COL6A2: variants seen among roughly 807,000 people sequenced by gnomAD.
COL6A2 encodes collagen type VI alpha 2 chain, also known as collagen alpha-2(VI) chain.
A neutral mutation model predicts 124.9 loss-of-function variants in COL6A2; 90 were observed. That is an observed-to-expected ratio of 0.72 (90% CI 0.61 to 0.86). The LOEUF is 0.86. Ranked by LOEUF, COL6A2 falls within the 40% of genes least tolerant of loss-of-function variation. The probability of loss-of-function intolerance (pLI) is 0.00; values close to 1 mark genes in which losing one functional copy is unlikely to be tolerated. For missense variants in COL6A2, 1,607 were observed against 1,502.5 expected, an observed-to-expected ratio of 1.07 and a Z score of -1.15; for synonymous variants, 793 against 618.2, an observed-to-expected ratio of 1.28 and a Z score of -4.19.
At chr21:46,124,201 A>G (rs538414571) in intron 21 of COL6A2, among the ~76,000 whole-genome samples, 21 of 148,382 alleles carry the variant, frequency 1.4e-4, no homozygotes, top group African/African-American at 4.9e-4. Flanking sequence ...TGGATGGGTT[A>G]GTGGGTGGCT....
intron 11 of COL6A2, 58 bp downstream of exon 11, chr21:46,117,511 C>A (rs57870436): frequency 2.6e-6 from 4 of 1,554,490 alleles, no homozygotes; most frequent in Non-Finnish European, 3.5e-6. Flanking sequence ...GGTGCCTGAC[C>A]GGGTGGGAGG....
intron 27 of COL6A2, chr21:46,129,669 G>C: frequency 7.0e-7 from 1 of 1,422,430 alleles, no homozygotes; most frequent in Non-Finnish European, 9.1e-7. Context: ...GGTGGCCACC[G>C]TGTCCCTTGC....
At chr21:46,099,148 G>T (rs2078259122) in intron 1 of COL6A2, 1 of 152,470 alleles carries the variant, frequency 6.6e-6, no homozygotes, top group Non-Finnish European at 1.5e-5. Context: ...TTCGACTCTG[G>T]TGATTATTTC....
Position 46,132,111 on chromosome 21 carries a change from C to G in COL6A2, c.2619C>G (p.Leu873=), listed in dbSNP as rs757138494. 6 of 1,587,820 alleles carry G rather than the reference C, an allele frequency of 3.8e-6. No individual in the cohort carries two copies. The highest frequency in any genetic ancestry group is 1.1e-5 in the South Asian group (1 of 88,290). Residue 873 remains leucine (L), a synonymous_variant, in exon 28 of 28, where the codon CTC becomes CTG. Coordinates refer to ENST00000300527, the MANE Select transcript of COL6A2 (RefSeq NM_001849.4). ...TGGCCCGGAGGGACGACGACCCTCT[C>G]AACGCACGCGTGGCGCTGCTGCAGT... ...LTLARRDDDP[L]NARVALLQFG... is the part of the protein sequence containing the mutation.
intron 15 of COL6A2, 85 bp from the exon 16 acceptor site, chr21:46,120,430 A>AC: frequency 2.7e-6 from 3 of 1,125,100 alleles, no homozygotes; most frequent in Non-Finnish European, 2.6e-6. Flanking sequence ...CCCTTCCCCA[A>AC]CCCCCGGCCA....
rs2078548719 is a variant in COL6A2 at position 46,120,581 on chromosome 21, G to C, written c.1395+4G>C. The C allele has an allele frequency of 6.8e-7, 1 of 1,461,650 alleles. No homozygotes were observed. Among genetic ancestry groups the C allele is most frequent in the African/African-American group, 1.4e-5 (1 of 69,562 alleles). The allele number at this position is 1,461,650 out of a possible 1,614,324, so 90.5% of individuals were successfully genotyped here. A position where few individuals can be genotyped will look rare whatever the true frequency, so the allele number is the denominator to read the frequency against. On this transcript the variant is annotated splice_donor_region_variant and intron_variant, in intron 16 of 27. Coordinates refer to ENST00000300527, the MANE Select transcript of COL6A2 (RefSeq NM_001849.4). ...GGTTGGCAACAAAGGAGCCAAGGTAGGGGAGCAGGGTGGGCCGCACCCCAA... is the reference window on the plus strand; with the variant it reads ...GGTTGGCAACAAAGGAGCCAAGGTACGGGAGCAGGGTGGGCCGCACCCCAA...
At chr21:46,122,308 G>C (rs763976133) in intron 19 of COL6A2, 150 bp downstream of exon 19, 88 of 1,217,498 alleles carry the variant, frequency 7.2e-5, no homozygotes, top group Non-Finnish European at 1.0e-4. Context: ...GAAGGCTTCG[G>C]GTGACTCAGT....
At chr21:46,101,982 T>G (rs13046114) in intron 1 of COL6A2, among the ~76,000 whole-genome samples, 70,276 of 149,714 alleles carry the variant, frequency 0.47, 17,349 homozygotes, top group Admixed American at 0.57. Context: ...ATTAAACCTC[T>G]AGATCAATTT....
chr21:46,127,640 C>T lies in COL6A2; in HGVS notation c.2461+1099C>T, dbSNP rs548803490. 6.4e-4 allele frequency among the ~76,000 whole-genome samples: 97 copies of T among 152,266 alleles called. 1 individual carries two copies. The highest frequency in any genetic ancestry group is 1.1e-3 in the Non-Finnish European group (78 of 68,002). On this transcript the variant is annotated intron_variant, in intron 27 of 27. Coordinates refer to ENST00000300527, the MANE Select transcript of COL6A2 (RefSeq NM_001849.4). ...ACCAGACCTTGGCTCCTCCACCCAC[C>T]CCCTCGTTCCTGATGGGGCAGGGAA... is the stretch of plus-strand genomic sequence containing the variant.
At position 46,131,977 on chromosome 21, in the gene COL6A2, C is replaced by G; in HGVS notation, c.2485C>G (p.Gln829Glu). The part of the protein sequence containing the change: ...QTELSVAQCT[Q>E]RPVDIVFLLD... ...AGAGCTGTCCGTGGCACAGTGCACG[C>G]AGCGGCCCGTGGACATCGTCTTCCT... Residue 829 changes from glutamine (Q) to glutamate (E), a missense_variant, in exon 28 of 28, where the codon CAG becomes GAG. Physicochemically the swap from Gln to Glu is conservative, Grantham distance 29 (BLOSUM62 2). Around this residue, in one of 3 missense-constraint regions of COL6A2, gnomAD observed 1,223 missense variants for 1,052.2 expected, o/e 1.16. Transcript: ENST00000300527. 1 of 1,608,444 alleles carries G rather than the reference C, an allele frequency of 6.2e-7. No individual in the cohort carries two copies. Among genetic ancestry groups the G allele is most frequent in the Non-Finnish European group, 8.5e-7 (1 of 1,178,814 alleles).
chr21:46,126,373 C>T lies in COL6A2; in HGVS notation c.2423-130C>T, dbSNP rs754569156. 398 of 1,501,222 alleles carry T rather than the reference C, an allele frequency of 2.7e-4. 1 individual carries two copies. The highest frequency in any genetic ancestry group is 3.4e-4 in the Non-Finnish European group (363 of 1,079,942). 93.0% of individuals were successfully genotyped at this position (1,501,222 alleles called of 1,614,324 possible). ...TCTTGGGCTGTGGGTGGGAAGGGGT[C>T]GGGCCCTCTCGGGGCTGCAGGGCAG... On this transcript the variant is annotated intron_variant, in intron 26 of 27. Transcript: ENST00000300527.
intron 27 of COL6A2, 130 bp downstream of exon 27, chr21:46,126,671 G>A (rs1303941665): frequency 2.7e-6 from 3 of 1,098,570 alleles, no homozygotes; most frequent in Non-Finnish European, 4.0e-6. Flanking sequence ...TGCGGAGGCT[G>A]CTCCTTAGGG....
intron 1 of COL6A2, among the ~76,000 whole-genome samples, chr21:46,102,459 CCTTT>C (rs1307558045): frequency 2.6e-5 from 4 of 152,162 alleles, no homozygotes; most frequent in Non-Finnish European, 4.4e-5. Context: ...AGGCATCCTT[CCTTT>C]ATTTCTGACC....
intron 1 of COL6A2, among the ~76,000 whole-genome samples, chr21:46,100,791 C>G (rs1257257635): frequency 6.6e-6 from 1 of 152,146 alleles, no homozygotes; most frequent in Non-Finnish European, 1.5e-5. Flanking sequence ...TTTTGTTTAC[C>G]CATTCGTCTG....
chr21:46,116,398 G>C lies in COL6A2; in HGVS notation c.922G>C (p.Glu308Gln). Residue 308 changes from glutamate (E) to glutamine (Q), a missense_variant, in exon 8 of 28, where the codon GAG becomes CAG. This residue lies in a region of COL6A2 where 42 missense variants were observed against 68.7 expected (regional missense o/e 0.61). Coordinates refer to ENST00000300527, the MANE Select transcript of COL6A2 (RefSeq NM_001849.4). The surrounding 1 kb of genome is among the most constrained non-coding windows in gnomAD (Gnocchi z 4.6). ...GPKGVPGFKG[E>Q]KGEFGADGRK... is the part of the protein sequence containing the mutation. ...CCAGGGCGTTCCTGGCTTCAAAGGAGAGAAGGTGAGGCTCTTGCCCTGACA... is the reference window on the plus strand; with the variant it reads ...CCAGGGCGTTCCTGGCTTCAAAGGACAGAAGGTGAGGCTCTTGCCCTGACA... 6.2e-7 allele frequency: 1 copy of C among 1,612,984 alleles called. No individual in the cohort carries two copies. The highest frequency in any genetic ancestry group is 8.5e-7 in the Non-Finnish European group (1 of 1,179,990).
At chr21:46,119,219 T>G in intron 14 of COL6A2, 100 bp downstream of exon 14, 1 of 937,360 alleles carries the variant, frequency 1.1e-6, no homozygotes, top group African/African-American at 1.6e-5. Context: ...GTAGGCAGGA[T>G]CCCCTGCTGG....
chr21:46,130,877 T>C (rs1339156967), intron 27 of COL6A2, among the ~76,000 whole-genome samples: 1 of 152,194 alleles, frequency 6.6e-6, no homozygotes, highest in East Asian at 1.9e-4. Flanking sequence ...GGGAACCCCA[T>C]CTGCCAGCTC....
chr21:46,130,788 C>G (rs1258935141), intron 27 of COL6A2, among the ~76,000 whole-genome samples: 1 of 152,184 alleles, frequency 6.6e-6, no homozygotes, highest in African/African-American at 2.4e-5. Flanking sequence ...GACATTTAAG[C>G]CGGTTCCTAG....
At chr21:46,120,686 G>C in intron 16 of COL6A2, 109 bp downstream of exon 16, 1 of 1,093,182 alleles carries the variant, frequency 9.1e-7, no homozygotes, top group South Asian at 1.7e-5. Context: ...TAGGGGACCC[G>C]GGTGGGTGCT....
Sources: gnomAD v4.1 joint callset for allele counts (sites outside exome capture counted in the v4.1 genomes callset) on GRCh38, gnomAD v4.1.1 for gene constraint, gnomAD v4.1.1 regional missense constraint, Gnocchi (gnomAD v3.1) non-coding constraint, MANE v1.5 for transcripts, NCBI Gene and HGNC (gene_info 2026-07-23, HGNC 2026-07-21) for gene names.